GFRA1: variants seen among roughly 807,000 people sequenced by gnomAD.
GFRA1 encodes GDNF family receptor alpha 1, also known as GDNF family receptor alpha-1.
GFRA1 carries 16 observed loss-of-function variants against 51.6 expected under a neutral mutation model. The ratio of observed to expected loss-of-function variants is 0.31; its 90% confidence interval spans 0.21 to 0.47. The LOEUF is 0.47. Ranked by LOEUF, GFRA1 falls within the 20% of genes least tolerant of loss-of-function variation. The pLI, the probability that GFRA1 is intolerant of heterozygous loss-of-function variation, is 1.00. For missense variants in GFRA1, 530 were observed against 594.3 expected (o/e 0.89, Z 1.13); for synonymous variants, 270 against 241.3 (o/e 1.12, Z -1.10).
At chr10:116,120,664 G>A (rs80143848) in intron 6 of GFRA1, among the ~76,000 whole-genome samples, 4,452 of 152,288 alleles carry the variant, frequency 0.029, 201 homozygotes, top group African/African-American at 0.1. Context: ...AACGTAGAGC[G>A]TGGACTACTG....
chr10:116,218,235 C>T (rs1018328933), intron 4 of GFRA1, among the ~76,000 whole-genome samples: 1 of 152,146 alleles, frequency 6.6e-6, no homozygotes, highest in Non-Finnish European at 1.5e-5. Flanking sequence ...GACCTGCCTT[C>T]GTTTCTCAAG....
intron 6 of GFRA1, among the ~76,000 whole-genome samples, chr10:116,105,462 C>T (rs779652009): frequency 2.6e-5 from 4 of 152,270 alleles, no homozygotes; most frequent in East Asian, 3.9e-4. Context: ...TATTCTGGAA[C>T]GCTAAGAGGC....
chr10:116,090,522 T>G (rs940586799), intron 8 of GFRA1, among the ~76,000 whole-genome samples: 1 of 151,530 alleles, frequency 6.6e-6, no homozygotes, highest in African/African-American at 2.4e-5. Flanking sequence ...TCTGCTCCAG[T>G]CTTCCAAGCA....
intron 5 of GFRA1, among the ~76,000 whole-genome samples, chr10:116,172,689 G>T (rs1462057820): frequency 6.6e-6 from 1 of 152,176 alleles, no homozygotes; most frequent in Non-Finnish European, 1.5e-5. Flanking sequence ...ACGGGCATGT[G>T]TAAGTGGAAA....
At position 116,093,130 on chromosome 10, in the gene GFRA1, C is replaced by T. The variant is rs545997639; in HGVS notation, c.1015+572G>A. Among the ~76,000 whole-genome samples, 5 of 152,308 alleles carry T rather than the reference C, an allele frequency of 3.3e-5. No homozygotes were observed. In the South Asian group the frequency reaches 1.0e-3, roughly 32 times the overall value. On this transcript the variant is annotated intron_variant, in intron 8 of 10. Transcript: ENST00000355422. ...TCTCGCCTCCAGAGATAACGGGCAT[C>T]CCGAGCCTCCTGCCTGCATCGCCAG... is the stretch of plus-strand genomic sequence containing the variant.
At chr10:116,260,002 C>A (rs1969180441) in intron 4 of GFRA1, among the ~76,000 whole-genome samples, 1 of 152,294 alleles carries the variant, frequency 6.6e-6, no homozygotes, top group East Asian at 1.9e-4. Flanking sequence ...TTTGCTCACT[C>A]ACCTCCCCTT....
intron 5 of GFRA1, among the ~76,000 whole-genome samples, chr10:116,158,886 C>T (rs1202189685): frequency 6.6e-6 from 1 of 152,218 alleles, no homozygotes; most frequent in Non-Finnish European, 1.5e-5. Flanking sequence ...TCAACACAGT[C>T]TCAGCCCCTA....
chr10:116,148,055 CAT>C (rs1491573308), intron 5 of GFRA1, among the ~76,000 whole-genome samples: 2 of 78,146 alleles, frequency 2.6e-5, no homozygotes, highest in African/African-American at 4.1e-5. Context: ...TGTGTGCATG[CAT>C]GTGTGCATGC....
intron 5 of GFRA1, among the ~76,000 whole-genome samples, chr10:116,141,576 C>CT (rs528615047): frequency 9.6e-6 from 1 of 104,086 alleles, no homozygotes; most frequent in Non-Finnish European, 1.9e-5. Context: ...ATGTCCTCTT[C>CT]TTTTTTTTGA....
chr10:116,219,110 G>A (rs890521245), intron 4 of GFRA1, among the ~76,000 whole-genome samples: 1 of 152,054 alleles, frequency 6.6e-6, no homozygotes, highest in Non-Finnish European at 1.5e-5. Flanking sequence ...ATCGGCCTGC[G>A]CTGACTTGGA....
At chr10:116,250,406 C>A (rs2134688633) in intron 4 of GFRA1, among the ~76,000 whole-genome samples, 1 of 152,282 alleles carries the variant, frequency 6.6e-6, no homozygotes, top group South Asian at 2.1e-4. Context: ...ATCCATCCAT[C>A]AAGTAAGGAC....
chr10:116,198,741 T>C (rs369859004), intron 5 of GFRA1, among the ~76,000 whole-genome samples: 3 of 152,326 alleles, frequency 2.0e-5, no homozygotes, highest in African/African-American at 7.2e-5. Flanking sequence ...CCCTTGATGC[T>C]TCTCTTTTAT....
intron 4 of GFRA1, among the ~76,000 whole-genome samples, chr10:116,231,812 T>C (rs991307005): frequency 1.3e-5 from 2 of 152,190 alleles, no homozygotes; most frequent in Non-Finnish European, 2.9e-5. Flanking sequence ...TACTTCACAT[T>C]TGCACAACAC....
chr10:116,146,550 A>G lies in GFRA1; in HGVS notation c.434-20993T>C, dbSNP rs532719139. On this transcript the variant is annotated intron_variant, in intron 5 of 10. Transcript: ENST00000355422. Reference sequence around the variant, plus strand: ...GTATGACCTCTAATCCTGTTCCTCCATGTCATGTTGCTGGTGAGTCAGCAC... The same window carrying G: ...GTATGACCTCTAATCCTGTTCCTCCGTGTCATGTTGCTGGTGAGTCAGCAC... 2.6e-5 allele frequency among the ~76,000 whole-genome samples: 4 copies of G among 152,330 alleles called. No homozygotes were observed. In the South Asian group the frequency reaches 8.3e-4, roughly 32 times the overall value.
intron 6 of GFRA1, among the ~76,000 whole-genome samples, chr10:116,104,361 C>T (rs999885364): frequency 1.3e-5 from 2 of 152,222 alleles, no homozygotes; most frequent in African/African-American, 4.8e-5. Context: ...CTTCCCCGAT[C>T]ACTGTTGCTC....
chr10:116,144,021 A>AT (rs1426132857), intron 5 of GFRA1, among the ~76,000 whole-genome samples: 1 of 152,190 alleles, frequency 6.6e-6, no homozygotes, highest in African/African-American at 2.4e-5. Context: ...TTTTTTGAGC[A>AT]TAACAGTCCC....
At chr10:116,254,908 A>G (rs1317987441) in intron 4 of GFRA1, among the ~76,000 whole-genome samples, 1 of 152,202 alleles carries the variant, frequency 6.6e-6, no homozygotes, top group Non-Finnish European at 1.5e-5. Flanking sequence ...CTTCCACAAA[A>G]GGATTCTAGA....
At chr10:116,164,430 C>T (rs1380289097) in intron 5 of GFRA1, among the ~76,000 whole-genome samples, 1 of 151,940 alleles carries the variant, frequency 6.6e-6, no homozygotes, top group Non-Finnish European at 1.5e-5. Flanking sequence ...CTTGGTCTTG[C>T]TTTGGTTTGG....
intron 5 of GFRA1, among the ~76,000 whole-genome samples, chr10:116,132,930 G>A (rs1365264589): frequency 4.6e-5 from 7 of 152,098 alleles, no homozygotes; most frequent in Non-Finnish European, 7.4e-5. Context: ...TCTCGCCTGC[G>A]TGGGAAGGCT....
Sources: gnomAD v4.1 joint callset for allele counts (sites outside exome capture counted in the v4.1 genomes callset) on GRCh38, gnomAD v4.1.1 for gene constraint, MANE v1.5 for transcripts, NCBI Gene and HGNC (gene_info 2026-07-23, HGNC 2026-07-21) for gene names.